The following LMBR1 variants were observed in gnomAD, a reference collection of about 807,000 sequenced individuals.
LMBR1 encodes the protein limb region 1 protein homolog.
A neutral mutation model predicts 73.9 loss-of-function variants in LMBR1; 52 were observed. That is an observed-to-expected ratio of 0.70 (90% CI 0.56 to 0.89). LMBR1 has a LOEUF of 0.89. Ranked by LOEUF, LMBR1 falls within the 40% of genes least tolerant of loss-of-function variation. LMBR1 has a pLI of 0.00. For synonymous variants in LMBR1, 215 were observed against 209.4 expected (o/e 1.03, Z -0.23); for missense variants, 539 against 579.8 (o/e 0.93, Z 0.72).
At chr7:156,716,733 ATAAAATAC>A (rs1485136571) in intron 15 of LMBR1, among the ~76,000 whole-genome samples, 4 of 152,226 alleles carry the variant, frequency 2.6e-5, no homozygotes, top group Non-Finnish European at 5.9e-5. Context: ...TACTCTCACA[ATAAAATAC>A]TAAAATCATA....
intron 15 of LMBR1, among the ~76,000 whole-genome samples, chr7:156,710,785 T>C (rs1811917540): frequency 6.6e-6 from 1 of 152,072 alleles, no homozygotes; most frequent in Admixed American, 6.6e-5. Context: ...CATCAGGTAA[T>C]CTATAAAGGA....
chr7:156,761,914 C>T (rs566696356), intron 8 of LMBR1, among the ~76,000 whole-genome samples: 1 of 145,904 alleles, frequency 6.9e-6, no homozygotes, highest in African/African-American at 2.6e-5. Context: ...GGGGCGGAGC[C>T]TGCAGTGAGC....
intron 1 of LMBR1, among the ~76,000 whole-genome samples, chr7:156,844,614 T>C (rs1297188044): frequency 1.8e-5 from 2 of 109,404 alleles, no homozygotes; most frequent in African/African-American, 3.5e-5. Flanking sequence ...TACACCTGAA[T>C]GAAAAAAAAA....
At chr7:156,844,537 G>C (rs1212886843) in intron 1 of LMBR1, among the ~76,000 whole-genome samples, 5 of 150,252 alleles carry the variant, frequency 3.3e-5, no homozygotes, top group African/African-American at 1.2e-4. Context: ...CTTTGTCCAG[G>C]ATGAAAGGAA....
chr7:156,745,516 G>A (rs560332029), intron 9 of LMBR1, among the ~76,000 whole-genome samples: 51 of 152,196 alleles, frequency 3.4e-4, no homozygotes, highest in South Asian at 1.0e-3. Flanking sequence ...ACTGATTTAG[G>A]AGGAGGAAAC....
rs1173217184 is a variant in LMBR1 at position 156,683,187 on chromosome 7, A to C, written c.*891T>G. The C allele has an allele frequency of 6.6e-6, 1 of 152,240 alleles. No individual in the cohort carries two copies. 9.4% of individuals were successfully genotyped at this position (152,240 alleles called of 1,614,324 possible). On this transcript the variant is annotated 3_prime_UTR_variant, in exon 17 of 17. Transcript: ENST00000353442. Reference sequence around the variant, plus strand: ...GGAGTTTCTACCACTCGGCATTTATAGTTTTTATATGCATTGCAGAAGCAT... The same window carrying C: ...GGAGTTTCTACCACTCGGCATTTATCGTTTTTATATGCATTGCAGAAGCAT...
chr7:156,674,580 A>G (rs1803368267), downstream of LMBR1, among the ~76,000 whole-genome samples: 3 of 152,166 alleles, frequency 2.0e-5, no homozygotes, highest in South Asian at 6.2e-4. Context: ...AGACCTTTCT[A>G]GTGTAGGATG....
At chr7:156,860,056 A>C (rs766473641) in intron 1 of LMBR1, among the ~76,000 whole-genome samples, 1 of 152,276 alleles carries the variant, frequency 6.6e-6, no homozygotes, top group Non-Finnish European at 1.5e-5. Context: ...AAACGGTGCT[A>C]TAACAACTGG....
At chr7:156,711,871 A>C (rs1489947073) in intron 15 of LMBR1, among the ~76,000 whole-genome samples, 1 of 152,216 alleles carries the variant, frequency 6.6e-6, no homozygotes, top group Non-Finnish European at 1.5e-5. Flanking sequence ...TAAAGACTGA[A>C]ATGTAAGACC....
chr7:156,742,673 T>C (rs948782663), intron 9 of LMBR1, among the ~76,000 whole-genome samples: 12 of 152,102 alleles, frequency 7.9e-5, no homozygotes, highest in African/African-American at 2.7e-4. Flanking sequence ...TGCTGAAGTC[T>C]ACCAAACATT....
At chr7:156,860,087 G>A (rs527696796) in intron 1 of LMBR1, among the ~76,000 whole-genome samples, 3 of 152,184 alleles carry the variant, frequency 2.0e-5, no homozygotes, top group African/African-American at 7.2e-5. Flanking sequence ...ACAACAAAAT[G>A]AATCAAGACA....
chr7:156,840,768 A>T (rs901040018), intron 1 of LMBR1, among the ~76,000 whole-genome samples: 3 of 149,870 alleles, frequency 2.0e-5, no homozygotes, highest in Non-Finnish European at 4.4e-5. Flanking sequence ...GACCATCCTG[A>T]CTAACATGGT....
intron 15 of LMBR1, among the ~76,000 whole-genome samples, chr7:156,698,641 G>A (rs563288075): frequency 2.2e-4 from 34 of 152,272 alleles, no homozygotes; most frequent in African/African-American, 2.9e-4. Context: ...CTTTAGTCAC[G>A]GCTGGAGCAG....
chr7:156,693,593 GAAGA>G (rs1807679998), intron 15 of LMBR1, among the ~76,000 whole-genome samples: 1 of 152,088 alleles, frequency 6.6e-6, no homozygotes, highest in African/African-American at 2.4e-5. Context: ...ACTAACTTTA[GAAGA>G]AATAGAAAAC....
At chr7:156,704,582 T>C (rs1810500810) in intron 15 of LMBR1, among the ~76,000 whole-genome samples, 1 of 146,422 alleles carries the variant, frequency 6.8e-6, no homozygotes, top group Admixed American at 7.0e-5. Context: ...ACAATAATTC[T>C]CCAGCAATAG....
Position 156,690,785 on chromosome 7 carries a change from T to C in LMBR1, c.1226-2594A>G, listed in dbSNP as rs145652511. Among the ~76,000 whole-genome samples, 19 of 152,220 alleles carry C rather than the reference T, an allele frequency of 1.2e-4. No individual in the cohort carries two copies. The East Asian group carries it at 1.7e-3, about 14-fold the overall frequency. On this transcript the variant is annotated intron_variant, in intron 15 of 16. Coordinates refer to ENST00000353442, the MANE Select transcript of LMBR1 (RefSeq NM_022458.4). ...GAATTTAATATTTTTAAAAATCTGA[T>C]AGATTGACTAACAGATCACTCTGAC...
At chr7:156,702,012 T>C (rs1563166617) in intron 15 of LMBR1, among the ~76,000 whole-genome samples, 1 of 152,240 alleles carries the variant, frequency 6.6e-6, no homozygotes, top group Non-Finnish European at 1.5e-5. Context: ...CCACATTTTC[T>C]TTATCTAGTC....
chr7:156,737,490 A>T (rs994207705), intron 9 of LMBR1, among the ~76,000 whole-genome samples: 1 of 151,932 alleles, frequency 6.6e-6, no homozygotes, highest in Non-Finnish European at 1.5e-5. Flanking sequence ...GGAAATCTTC[A>T]TTTTGTCATT....
At chr7:156,853,751 G>A (rs184638256) in intron 1 of LMBR1, among the ~76,000 whole-genome samples, 15 of 152,108 alleles carry the variant, frequency 9.9e-5, no homozygotes, top group African/African-American at 3.6e-4. Flanking sequence ...CACTTCCTGG[G>A]TTCAAGGAAT....
Sources: allele counts gnomAD v4.1 joint callset (sites outside exome capture counted in the v4.1 genomes callset), GRCh38; gene constraint gnomAD v4.1.1; transcripts MANE v1.5; gene names NCBI Gene and HGNC (gene_info 2026-07-23, HGNC 2026-07-21).